Variants in CSMD1 observed in about 807,000 individuals in gnomAD.
CSMD1 encodes the protein CUB and Sushi multiple domains 1.
In CSMD1, 213 loss-of-function variants were observed where a neutral mutation model predicts 417.5. The ratio of observed to expected loss-of-function variants is 0.51; its 90% confidence interval spans 0.46 to 0.57. CSMD1 has a LOEUF of 0.57. CSMD1 is among the 20% of genes least tolerant of loss of function. The pLI is 0.00. For missense variants in CSMD1, 6,923 were observed against 4,529.7 expected (o/e 1.53, Z -15.17); for synonymous variants, 2,862 against 1,736.8 (o/e 1.65, Z -16.11).
intron 10 of CSMD1, among the ~76,000 whole-genome samples, chr8:3,533,241 G>A (rs1798053893): frequency 6.6e-6 from 1 of 152,220 alleles, no homozygotes; most frequent in East Asian, 1.9e-4. Context: ...TATTTTTATT[G>A]ATAAGGATAG....
At chr8:4,950,846 C>A (rs1424817475) in intron 1 of CSMD1, among the ~76,000 whole-genome samples, 1 of 152,118 alleles carries the variant, frequency 6.6e-6, no homozygotes, top group Admixed American at 6.6e-5. Flanking sequence ...CTCAACCACT[C>A]TTGGTGTACC....
At chr8:3,586,373 C>G (rs1800602619) in intron 8 of CSMD1, 113 bp from the exon 9 acceptor site, 1 of 1,029,370 alleles carries the variant, frequency 9.7e-7, no homozygotes, top group Non-Finnish European at 1.4e-6. Flanking sequence ...TTAAAACAGC[C>G]TAAGACATTA....
intron 1 of CSMD1, among the ~76,000 whole-genome samples, chr8:4,920,299 A>C (rs1806349482): frequency 6.6e-6 from 1 of 151,810 alleles, no homozygotes; most frequent in African/African-American, 2.4e-5. Context: ...AGGCAGTTCA[A>C]GATAAGTCAA....
Position 4,307,915 on chromosome 8 carries a change from A to G in CSMD1, c.415+112038T>C, listed in dbSNP as rs879549509. Among the ~76,000 whole-genome samples, 5 of 152,178 alleles carry G rather than the reference A, an allele frequency of 3.3e-5. 1 individual carries two copies. The highest frequency in any genetic ancestry group is 1.3e-4 in the Admixed American group (2 of 15,276). ...AGGCAGCAGAGGCACGTTTTTAGCA[A>G]GAGGACCCCCGGATGCAAGGGTCTT... On this transcript the variant is annotated intron_variant, in intron 3 of 69. Coordinates refer to ENST00000635120, the MANE Select transcript of CSMD1 (RefSeq NM_033225.6).
At chr8:4,940,257 G>A (rs954099423) in intron 1 of CSMD1, among the ~76,000 whole-genome samples, 3 of 152,168 alleles carry the variant, frequency 2.0e-5, no homozygotes, top group Non-Finnish European at 4.4e-5. Context: ...AATAGTGTGA[G>A]CAGTTAACAG....
chr8:3,560,152 C>G (rs1416537957), intron 10 of CSMD1, among the ~76,000 whole-genome samples: 1 of 152,058 alleles, frequency 6.6e-6, no homozygotes, highest in Non-Finnish European at 1.5e-5. Context: ...GATTATATAA[C>G]TTATCTCTGT....
chr8:3,716,573 A>T (rs1043059732), intron 6 of CSMD1, among the ~76,000 whole-genome samples: 28 of 152,060 alleles, frequency 1.8e-4, no homozygotes, highest in African/African-American at 5.8e-4. Flanking sequence ...TGGTTTCGGG[A>T]GATTTGCGCC....
At chr8:3,216,596 A>C (rs993489092) in intron 29 of CSMD1, among the ~76,000 whole-genome samples, 32 of 152,312 alleles carry the variant, frequency 2.1e-4, no homozygotes, top group African/African-American at 6.3e-4. Flanking sequence ...AATGGACTGC[A>C]TCTAATCTTT....
chr8:3,637,925 C>A (rs1797127769), intron 7 of CSMD1, among the ~76,000 whole-genome samples: 1 of 152,194 alleles, frequency 6.6e-6, no homozygotes, highest in Admixed American at 6.5e-5. Context: ...TGATTGCCGC[C>A]ATGTAAGACA....
intron 6 of CSMD1, among the ~76,000 whole-genome samples, chr8:3,725,298 G>A (rs1328387481): frequency 3.9e-5 from 6 of 152,160 alleles, no homozygotes; most frequent in Non-Finnish European, 8.8e-5. Context: ...TGAAGACCTG[G>A]ACAAGTGCTA....
At chr8:2,983,854 T>C (rs1233891828) in intron 54 of CSMD1, among the ~76,000 whole-genome samples, 1 of 152,222 alleles carries the variant, frequency 6.6e-6, no homozygotes, top group Non-Finnish European at 1.5e-5. Context: ...TTTTTAAATT[T>C]CAATATAATT....
At chr8:3,702,214 C>G (rs978860959) in intron 7 of CSMD1, 5 of 152,154 alleles carry the variant, frequency 3.3e-5, no homozygotes, top group African/African-American at 4.8e-5. Flanking sequence ...TCCTGCATGG[C>G]TACAAAGTGT....
intron 5 of CSMD1, among the ~76,000 whole-genome samples, chr8:3,908,063 A>C (rs1808226717): frequency 1.3e-5 from 2 of 152,056 alleles, no homozygotes; most frequent in African/African-American, 4.8e-5. Flanking sequence ...CTGACTCTCA[A>C]ATTGCAGTCA....
intron 4 of CSMD1, among the ~76,000 whole-genome samples, chr8:4,021,226 A>G (rs1796773967): frequency 1.3e-5 from 2 of 152,372 alleles, no homozygotes; most frequent in East Asian, 1.9e-4. Flanking sequence ...TGAAACTAGC[A>G]TCTTTTGAAA....
At chr8:4,016,124 T>C (rs368407821) in intron 4 of CSMD1, among the ~76,000 whole-genome samples, 1 of 152,098 alleles carries the variant, frequency 6.6e-6, no homozygotes, top group East Asian at 1.9e-4. Flanking sequence ...CATATAAAAG[T>C]TCATATAAAA....
chr8:4,409,424 T>C (rs1796522355), intron 3 of CSMD1, among the ~76,000 whole-genome samples: 1 of 152,178 alleles, frequency 6.6e-6, no homozygotes, highest in Admixed American at 6.5e-5. Flanking sequence ...ATTCTTGTCA[T>C]TTTAGAATAA....
intron 2 of CSMD1, among the ~76,000 whole-genome samples, chr8:4,572,546 A>C (rs1798940099): frequency 6.6e-6 from 1 of 152,128 alleles, no homozygotes; most frequent in South Asian, 2.1e-4. Context: ...AGCTGCCCTT[A>C]GCATTTTTTC....
Position 3,417,668 on chromosome 8 carries a change from A to G in CSMD1, c.1562-8063T>C, listed in dbSNP as rs1016071302. Among the ~76,000 whole-genome samples, 6 of 152,220 alleles carry G rather than the reference A, an allele frequency of 3.9e-5. 1 individual carries two copies. The highest frequency in any genetic ancestry group is 7.3e-5 in the Non-Finnish European group (5 of 68,046). On this transcript the variant is annotated intron_variant, in intron 12 of 69. Coordinates refer to ENST00000635120, the MANE Select transcript of CSMD1 (RefSeq NM_033225.6). ...CATTTTCGCTGAAGAGAGAGTGAGT[A>G]AAAGCAACAGTTTCTTGTGCAACTG...
intron 3 of CSMD1, among the ~76,000 whole-genome samples, chr8:4,334,187 G>A (rs900540934): frequency 6.6e-6 from 1 of 152,114 alleles, no homozygotes; most frequent in Non-Finnish European, 1.5e-5. Context: ...GATTACAGGT[G>A]TGAGCCACCA....
Sources: gnomAD v4.1 joint callset for allele counts (sites outside exome capture counted in the v4.1 genomes callset) on GRCh38, gnomAD v4.1.1 for gene constraint, MANE v1.5 for transcripts, NCBI Gene and HGNC (gene_info 2026-07-23, HGNC 2026-07-21) for gene names.